DROSHA: variants seen among roughly 807,000 people sequenced by gnomAD.
DROSHA encodes drosha ribonuclease III.
A neutral mutation model predicts 181.9 loss-of-function variants in DROSHA; 56 were observed. The observed-to-expected ratio is 0.31, with a 90% CI of 0.25 to 0.38. The LOEUF is 0.38. Ranked by LOEUF, DROSHA falls within the 10% of genes least tolerant of loss-of-function variation. The pLI is 1.00. For missense variants in DROSHA, 1,218 were observed against 1,743.5 expected, an observed-to-expected ratio of 0.70 and a Z score of 5.37; for synonymous variants, 524 against 591.2, an observed-to-expected ratio of 0.89 and a Z score of 1.65.
At chr5:31,493,124 G>T in intron 13 of DROSHA, 83 bp downstream of exon 13, 1 of 1,349,782 alleles carries the variant, frequency 7.4e-7, no homozygotes, top group South Asian at 1.3e-5. Context: ...GGAGGCAGAT[G>T]ACAGGAAATG....
intron 16 of DROSHA, among the ~76,000 whole-genome samples, chr5:31,476,206 A>G (rs1162776971): frequency 1.3e-5 from 2 of 152,192 alleles, no homozygotes; most frequent in Non-Finnish European, 2.9e-5. Context: ...CTCTATTAAA[A>G]ATACAAAAAT....
intron 13 of DROSHA, among the ~76,000 whole-genome samples, chr5:31,488,233 A>G (rs948308359): frequency 3.9e-5 from 6 of 152,028 alleles, no homozygotes; most frequent in African/African-American, 1.4e-4. Flanking sequence ...CCTGGCCAAC[A>G]TGGTGAAACC....
At chr5:31,414,822 C>T (rs1741755665) in intron 30 of DROSHA, among the ~76,000 whole-genome samples, 1 of 152,162 alleles carries the variant, frequency 6.6e-6, no homozygotes, top group South Asian at 2.1e-4. Flanking sequence ...TCACTGTCCT[C>T]AAAATTCCCC....
intron 13 of DROSHA, among the ~76,000 whole-genome samples, chr5:31,488,248 C>A (rs1026566607): frequency 2.0e-5 from 3 of 151,866 alleles, no homozygotes; most frequent in Non-Finnish European, 2.9e-5. Flanking sequence ...GAAACCCCGT[C>A]TCTACTAAAA....
chr5:31,426,170 T>G (rs995696914), intron 27 of DROSHA, among the ~76,000 whole-genome samples: 3 of 152,058 alleles, frequency 2.0e-5, no homozygotes, highest in Non-Finnish European at 4.4e-5. Flanking sequence ...ACCAGACTAA[T>G]GCACCTGTCC....
intron 27 of DROSHA, among the ~76,000 whole-genome samples, chr5:31,425,347 T>C (rs1406620891): frequency 6.6e-6 from 1 of 152,210 alleles, no homozygotes; most frequent in Admixed American, 6.5e-5. Flanking sequence ...TTAAATAATA[T>C]TTTTTAAAAG....
At chr5:31,410,159 C>T (rs1194682902) in intron 31 of DROSHA, among the ~76,000 whole-genome samples, 2 of 151,788 alleles carry the variant, frequency 1.3e-5, no homozygotes, top group Non-Finnish European at 2.9e-5. Context: ...TCAAAAATAC[C>T]GTAACATTAA....
At position 31,409,527 on chromosome 5, in the gene DROSHA, C is replaced by A; in HGVS notation, c.3668-195G>T. On this transcript the variant is annotated intron_variant, in intron 31 of 35. Coordinates refer to ENST00000344624, the MANE Select transcript of DROSHA (RefSeq NM_001382508.1). This position sits in a 1 kb window ranked among gnomAD's most constrained non-coding sequence, Gnocchi z 4.0. ...GAAGCAGCAAGAGATGTGTAAGATG[C>A]AAATCATAGAGTACAAACACCAAAC... 1 of 572,794 alleles carries A rather than the reference C, an allele frequency of 1.7e-6. No homozygotes were observed. The highest frequency in any genetic ancestry group is 3.1e-5 in the East Asian group (1 of 32,772). 35.5% of individuals were successfully genotyped at this position (572,794 alleles called of 1,614,324 possible). A position where few individuals can be genotyped will look rare whatever the true frequency, so the allele number is the denominator to read the frequency against.
intron 35 of DROSHA, among the ~76,000 whole-genome samples, chr5:31,404,101 A>G (rs1283374870): frequency 6.8e-6 from 1 of 146,444 alleles, no homozygotes; most frequent in African/African-American, 2.5e-5. Context: ...TTTTTTTTTT[A>G]ATTTTTTGTC....
chr5:31,494,988 T>A (rs1561251681), intron 12 of DROSHA, among the ~76,000 whole-genome samples: 1 of 152,202 alleles, frequency 6.6e-6, no homozygotes, highest in Non-Finnish European at 1.5e-5. Flanking sequence ...TTCACTAATT[T>A]TCAAGAAATG....
At chr5:31,506,761 G>A (rs962978161) in intron 10 of DROSHA, among the ~76,000 whole-genome samples, 4 of 151,914 alleles carry the variant, frequency 2.6e-5, no homozygotes, top group Admixed American at 6.5e-5. Context: ...TTGTTGTGAT[G>A]AAAAATATAA....
At chr5:31,421,411 T>C in intron 29 of DROSHA, 34 bp from the exon 30 acceptor site, 1 of 1,530,242 alleles carries the variant, frequency 6.5e-7, no homozygotes, top group Non-Finnish European at 9.0e-7. Context: ...AAGAAATCAA[T>C]AACCATTTAT....
At chr5:31,440,224 C>T (rs781118115) in intron 23 of DROSHA, among the ~76,000 whole-genome samples, 1 of 152,148 alleles carries the variant, frequency 6.6e-6, no homozygotes, top group Non-Finnish European at 1.5e-5. Flanking sequence ...GCCAGGGGTG[C>T]GGGCTAACTC....
intron 16 of DROSHA, among the ~76,000 whole-genome samples, chr5:31,474,569 GCC>G (rs1750143623): frequency 6.6e-6 from 1 of 151,986 alleles, no homozygotes; most frequent in Non-Finnish European, 1.5e-5. Flanking sequence ...TAATTATGTT[GCC>G]CAGGCTGTTC....
chr5:31,457,749 G>A (rs1166116405), intron 20 of DROSHA, among the ~76,000 whole-genome samples: 1 of 151,948 alleles, frequency 6.6e-6, no homozygotes, highest in African/African-American at 2.4e-5. Context: ...AATTAGCCAG[G>A]CATGGTGGCA....
intron 7 of DROSHA, 96 bp from the exon 8 acceptor site, chr5:31,515,315 T>C (rs2150057076): frequency 7.5e-7 from 1 of 1,339,720 alleles, no homozygotes; most frequent in East Asian, 2.3e-5. Context: ...TCACCTAAAA[T>C]ATGAATACCA....
intron 16 of DROSHA, among the ~76,000 whole-genome samples, chr5:31,480,359 G>C (rs897723330): frequency 1.3e-5 from 2 of 151,698 alleles, no homozygotes; most frequent in Non-Finnish European, 1.5e-5. Context: ...AAGCAAAACA[G>C]AATATAAAAT....
chr5:31,441,133 A>C (rs1007372821), intron 23 of DROSHA, among the ~76,000 whole-genome samples: 9 of 151,644 alleles, frequency 5.9e-5, no homozygotes, highest in Admixed American at 5.2e-4. Context: ...AAAAAAAAAA[A>C]GGGCAGGCCA....
intron 23 of DROSHA, among the ~76,000 whole-genome samples, chr5:31,442,115 C>T (rs1014555279): frequency 6.6e-6 from 1 of 152,046 alleles, no homozygotes; most frequent in African/African-American, 2.4e-5. Context: ...TTTTAATAAC[C>T]ACAAAGTTGG....
Sources: allele counts gnomAD v4.1 joint callset (sites outside exome capture counted in the v4.1 genomes callset), GRCh38; gene constraint gnomAD v4.1.1; non-coding constraint Gnocchi (gnomAD v3.1); transcripts MANE v1.5; gene names NCBI Gene and HGNC (gene_info 2026-07-23, HGNC 2026-07-21).